The following C3orf20 variants were observed in gnomAD, a reference collection of about 807,000 sequenced individuals.
The protein encoded by C3orf20 is uncharacterized protein C3orf20.
In C3orf20, 76 loss-of-function variants were observed where a neutral mutation model predicts 88.3. That is an observed-to-expected ratio of 0.86 (90% CI 0.72 to 1.04). The LOEUF (loss-of-function observed/expected upper bound fraction) is 1.04, where lower values mean the gene tolerates loss of function less well. Among genes scored for constraint, C3orf20 ranks in the 50% least tolerant of loss-of-function variants. C3orf20 has a pLI of 0.00. For synonymous variants in C3orf20, 436 were observed against 437.4 expected (o/e 1.00, Z 0.04); for missense variants, 1,056 against 1,123.3 (o/e 0.94, Z 0.86).
At chr3:14,685,983 TC>T (rs1214030815) in intron 4 of C3orf20, among the ~76,000 whole-genome samples, 1 of 145,908 alleles carries the variant, frequency 6.9e-6, no homozygotes, top group East Asian at 2.2e-4. Flanking sequence ...TGCCTCAGCC[TC>T]CCGAGTAGCT....
intron 12 of C3orf20, among the ~76,000 whole-genome samples, chr3:14,735,741 C>T (rs377527431): frequency 6.6e-6 from 1 of 151,732 alleles, no homozygotes; most frequent in African/African-American, 2.4e-5. Context: ...TTACAGGTGC[C>T]CACCACCACG....
intron 15 of C3orf20, 100 bp downstream of exon 15, chr3:14,761,715 G>A (rs998364166): frequency 2.5e-5 from 32 of 1,291,588 alleles, no homozygotes; most frequent in Non-Finnish European, 3.2e-5. Flanking sequence ...GGAGCAGGCG[G>A]GGCTGAAGGG....
chr3:14,744,419 C>T (rs2035001697), intron 12 of C3orf20, among the ~76,000 whole-genome samples: 1 of 151,972 alleles, frequency 6.6e-6, no homozygotes. Context: ...CAACAAGTCT[C>T]TAGGAAGTTC....
chr3:14,736,711 C>T (rs2034722746), intron 12 of C3orf20, among the ~76,000 whole-genome samples: 1 of 151,964 alleles, frequency 6.6e-6, no homozygotes, highest in Non-Finnish European at 1.5e-5. Flanking sequence ...GGACTACAGG[C>T]ATATGCCACC....
chr3:14,715,475 C>G, intron 9 of C3orf20, 66 bp downstream of exon 9: 1 of 1,542,676 alleles, frequency 6.5e-7, no homozygotes, highest in Non-Finnish European at 8.8e-7. Flanking sequence ...TCTGGGCATC[C>G]TGCCATGCAC....
intron 12 of C3orf20, among the ~76,000 whole-genome samples, chr3:14,731,116 C>T (rs2124993581): frequency 6.6e-6 from 1 of 152,280 alleles, no homozygotes; most frequent in East Asian, 1.9e-4. Context: ...GAAAGAAATT[C>T]CCTTATGCTA....
intron 8 of C3orf20, 38 bp from the exon 9 acceptor site, chr3:14,715,251 G>A (rs1395785416): frequency 1.3e-6 from 2 of 1,599,814 alleles, no homozygotes; most frequent in Non-Finnish European, 1.7e-6. Context: ...TTCCTTCAGG[G>A]GCCCGGTGGC....
intron 12 of C3orf20, 58 bp downstream of exon 12, chr3:14,728,746 C>T: frequency 6.4e-7 from 1 of 1,574,218 alleles, no homozygotes; most frequent in Non-Finnish European, 8.6e-7. Flanking sequence ...GCAGTGGGCA[C>T]AGGATAGTGA....
chr3:14,748,028 G>A (rs182450718), intron 12 of C3orf20, among the ~76,000 whole-genome samples: 1 of 151,912 alleles, frequency 6.6e-6, no homozygotes, highest in South Asian at 2.1e-4. Context: ...CTGTTTTTAG[G>A]TGAGTTTGAG....
At chr3:14,712,323 G>A (rs534020483) in intron 7 of C3orf20, among the ~76,000 whole-genome samples, 1 of 152,182 alleles carries the variant, frequency 6.6e-6, no homozygotes, top group Non-Finnish European at 1.5e-5. Context: ...GGGCAAGGAA[G>A]GATTCTTCCC....
In C3orf20 at chr3:14,689,890, G is replaced by A. The variant is rs1331193001; in HGVS notation, c.626-107G>A. 24 of 1,460,652 alleles carry A rather than the reference G, an allele frequency of 1.6e-5. No homozygotes were observed. In the Admixed American group the frequency reaches 2.1e-4, roughly 13 times the overall value. 90.5% of individuals were successfully genotyped at this position (1,460,652 alleles called of 1,614,324 possible). A position where few individuals can be genotyped will look rare whatever the true frequency, so the allele number is the denominator to read the frequency against. ...TTTTGTAACAATGCGGCACTTTACA[G>A]TATGTGACCCACCGTACTACTAGAA... On this transcript the variant is annotated intron_variant, in intron 4 of 16. Coordinates refer to ENST00000253697, the MANE Select transcript of C3orf20 (RefSeq NM_032137.5).
chr3:14,720,904 G>A (rs2034133180), intron 9 of C3orf20, among the ~76,000 whole-genome samples: 2 of 152,278 alleles, frequency 1.3e-5, no homozygotes, highest in Non-Finnish European at 1.5e-5. Flanking sequence ...GAGATTCAGC[G>A]AAGCTAACTG....
intron 1 of C3orf20, among the ~76,000 whole-genome samples, chr3:14,679,360 G>T (rs931635041): frequency 3.3e-5 from 5 of 152,210 alleles, no homozygotes; most frequent in Non-Finnish European, 7.3e-5. Context: ...ATCTAACATG[G>T]CTGGGGGTCA....
At chr3:14,724,689 A>G (rs1424834539) in intron 10 of C3orf20, among the ~76,000 whole-genome samples, 1 of 152,248 alleles carries the variant, frequency 6.6e-6, no homozygotes, top group Non-Finnish European at 1.5e-5. Context: ...GACATACCCT[A>G]TTTTTGATAT....
At chr3:14,697,762 A>G (rs1269768715) in intron 5 of C3orf20, among the ~76,000 whole-genome samples, 1 of 132,858 alleles carries the variant, frequency 7.5e-6, no homozygotes, top group Non-Finnish European at 1.5e-5. Context: ...TCTGTGTGCA[A>G]GTGATCTCAT....
chr3:14,759,014 A>C (rs2035477138), intron 13 of C3orf20, among the ~76,000 whole-genome samples: 1 of 152,226 alleles, frequency 6.6e-6, no homozygotes. Context: ...GTTCGCTAAC[A>C]GTTGTCCCTA....
At chr3:14,719,896 G>A (rs867731242) in intron 9 of C3orf20, among the ~76,000 whole-genome samples, 17 of 152,284 alleles carry the variant, frequency 1.1e-4, no homozygotes, top group South Asian at 2.1e-4. Context: ...CTGGTAAATG[G>A]CAATGCTGGG....
At chr3:14,767,206 C>T (rs540899333) in intron 15 of C3orf20, 31 of 152,494 alleles carry the variant, frequency 2.0e-4, no homozygotes, top group South Asian at 4.1e-4. Flanking sequence ...GGGGTGGAGG[C>T]GCCTGGCAGT....
Position 14,704,471 on chromosome 3 carries a change from C to T in C3orf20, c.1013C>T (p.Pro338Leu), listed in dbSNP as rs776726493. Residue 338 changes from proline to leucine, a missense_variant, in exon 7 of 17, where the codon CCT (proline) becomes CTT (leucine). By Grantham distance (98) the Pro-to-Leu change is moderately conservative. Transcript: ENST00000253697. ...TCTCAGACCCCGGGTTTACATTACC[C>T]TCCCACTGCAGGTGCTCAGACTCTC... Reference protein sequence around the residue: ...GDSQTPGLHYPPTAGAQTLSP... With the variant: ...GDSQTPGLHYLPTAGAQTLSP... The T allele has an allele frequency of 6.2e-7, 1 of 1,614,182 alleles. No individual in the cohort carries two copies. Among genetic ancestry groups the T allele is most frequent in the Non-Finnish European group, 8.5e-7 (1 of 1,180,026 alleles).
Sources: allele counts gnomAD v4.1 joint callset (sites outside exome capture counted in the v4.1 genomes callset), GRCh38; gene constraint gnomAD v4.1.1; transcripts MANE v1.5; gene names NCBI Gene and HGNC (gene_info 2026-07-23, HGNC 2026-07-21).